The following GPR158 variants were observed in gnomAD, a reference collection of about 807,000 sequenced individuals.
The protein encoded by GPR158 is G protein-coupled receptor 158.
GPR158 carries 30 observed loss-of-function variants against 78.2 expected under a neutral mutation model. The observed-to-expected ratio is 0.38, with a 90% CI of 0.29 to 0.52. The LOEUF is 0.52. GPR158 is among the 20% of genes least tolerant of loss of function. GPR158 has a pLI of 0.83. For missense variants in GPR158, 1,463 were observed against 1,523.5 expected (o/e 0.96, Z 0.66); for synonymous variants, 581 against 591.1 (o/e 0.98, Z 0.25).
chr10:25,177,263 G>C (rs1021046593), intron 1 of GPR158, among the ~76,000 whole-genome samples: 2 of 152,146 alleles, frequency 1.3e-5, no homozygotes, highest in African/African-American at 4.8e-5. Flanking sequence ...TTGAGGCGGG[G>C]AATTTCTAGA....
intron 1 of GPR158, among the ~76,000 whole-genome samples, chr10:25,220,068 G>A (rs1229085345): frequency 6.6e-6 from 1 of 152,080 alleles, no homozygotes; most frequent in Non-Finnish European, 1.5e-5. Flanking sequence ...ATGAAAAATT[G>A]TTTAAATTAG....
At chr10:25,543,295 A>G (rs1371634262) in intron 5 of GPR158, among the ~76,000 whole-genome samples, 1 of 151,882 alleles carries the variant, frequency 6.6e-6, no homozygotes, top group East Asian at 1.9e-4. Flanking sequence ...TAATTTTTGT[A>G]TTTTTAGTAG....
intron 5 of GPR158, among the ~76,000 whole-genome samples, chr10:25,543,819 A>G (rs956462490): frequency 6.6e-5 from 10 of 152,168 alleles, no homozygotes; most frequent in African/African-American, 2.4e-4. Context: ...TTTATGGCTC[A>G]ATGGTATTCC....
At chr10:25,411,099 GT>G (rs1334864813) in intron 3 of GPR158, among the ~76,000 whole-genome samples, 19 of 147,184 alleles carry the variant, frequency 1.3e-4, no homozygotes, top group East Asian at 1.2e-3. Flanking sequence ...TTTCTGTTTT[GT>G]TTTTTTTTTC....
intron 2 of GPR158, among the ~76,000 whole-genome samples, chr10:25,230,317 G>A (rs1853430869): frequency 6.6e-6 from 1 of 152,132 alleles, no homozygotes; most frequent in Admixed American, 6.5e-5. Flanking sequence ...CAACAGTATG[G>A]TGTGGCTGCA....
intron 1 of GPR158, among the ~76,000 whole-genome samples, chr10:25,188,671 A>G (rs1178131759): frequency 6.6e-6 from 1 of 152,372 alleles, no homozygotes; most frequent in South Asian, 2.1e-4. Flanking sequence ...ACCTAAAACC[A>G]TAAAAACCCT....
chr10:25,527,254 G>C (rs1461562261), intron 5 of GPR158, among the ~76,000 whole-genome samples: 1 of 152,060 alleles, frequency 6.6e-6, no homozygotes, highest in Non-Finnish European at 1.5e-5. Context: ...AAGTGGTATA[G>C]ACTTAAAAAG....
chr10:25,277,619 C>G (rs78009269), intron 2 of GPR158, among the ~76,000 whole-genome samples: 37 of 152,060 alleles, frequency 2.4e-4, no homozygotes, highest in Non-Finnish European at 4.9e-4. Flanking sequence ...GCTATGGGAG[C>G]GAATGCTGGT....
intron 2 of GPR158, among the ~76,000 whole-genome samples, chr10:25,242,800 A>G (rs901575814): frequency 3.3e-5 from 5 of 152,178 alleles, no homozygotes; most frequent in African/African-American, 1.2e-4. Context: ...AGGGAATCTC[A>G]GAGAATATAT....
intron 2 of GPR158, among the ~76,000 whole-genome samples, chr10:25,329,632 T>A (rs1280258807): frequency 6.6e-6 from 1 of 151,924 alleles, no homozygotes; most frequent in Non-Finnish European, 1.5e-5. Flanking sequence ...AATAATTTAT[T>A]ATTCCAGAAA....
rs578133104 is a variant in GPR158, at chr10:25,371,929, A to G, written c.1009-23982A>G. 7.4e-5 allele frequency among the ~76,000 whole-genome samples: 11 copies of G among 148,214 alleles called. No individual in the cohort carries two copies. In the East Asian group the frequency reaches 2.0e-3, roughly 26 times the overall value. On this transcript the variant is annotated intron_variant, in intron 2 of 10. Transcript: ENST00000376351. ...TCAGAGTGAACAGGCAACCTACTAA[A>G]TGGGAGAAAATTTTCGCAACCTACT...
chr10:25,597,496 T>A (rs1837425132), intron 10 of GPR158, among the ~76,000 whole-genome samples: 1 of 152,020 alleles, frequency 6.6e-6, no homozygotes, highest in Admixed American at 6.6e-5. Flanking sequence ...AAAATACAAA[T>A]CAGAAAAGTA....
intron 5 of GPR158, among the ~76,000 whole-genome samples, chr10:25,518,240 G>T (rs1836210408): frequency 1.2e-5 from 1 of 85,734 alleles, no homozygotes; most frequent in Non-Finnish European, 2.2e-5. Flanking sequence ...ATTTTTTATT[G>T]TGTCTATTTG....
intron 6 of GPR158, among the ~76,000 whole-genome samples, chr10:25,566,405 C>A (rs955576121): frequency 6.6e-6 from 1 of 152,174 alleles, no homozygotes; most frequent in Non-Finnish European, 1.5e-5. Context: ...TCACAGCTTT[C>A]TGAGCCCCTA....
At chr10:25,202,988 C>A (rs938917774) in intron 1 of GPR158, among the ~76,000 whole-genome samples, 8 of 152,186 alleles carry the variant, frequency 5.3e-5, no homozygotes, top group African/African-American at 1.9e-4. Context: ...TTTTGATCTG[C>A]ATTTCTCTGA....
At chr10:25,192,839 A>G (rs1032198451) in intron 1 of GPR158, among the ~76,000 whole-genome samples, 4 of 152,204 alleles carry the variant, frequency 2.6e-5, no homozygotes, top group Non-Finnish European at 2.9e-5. Context: ...CACATTCAGT[A>G]AAAACTATAC....
chr10:25,355,418 T>C (rs568819731), intron 2 of GPR158, among the ~76,000 whole-genome samples: 1 of 152,230 alleles, frequency 6.6e-6, no homozygotes, highest in Non-Finnish European at 1.5e-5. Context: ...GATAAATTTT[T>C]GAATTGCTTT....
At chr10:25,285,989 G>T (rs1854346462) in intron 2 of GPR158, among the ~76,000 whole-genome samples, 1 of 152,118 alleles carries the variant, frequency 6.6e-6, no homozygotes, top group African/African-American at 2.4e-5. Flanking sequence ...CTTATTGGAA[G>T]TCTACTGTAA....
Position 25,214,777 on chromosome 10 carries a change from A to T in GPR158, c.903-6275A>T, listed in dbSNP as rs576605248. Among the ~76,000 whole-genome samples the T allele has an allele frequency of 8.5e-5, 13 of 152,092 alleles. 1 individual carries two copies. The South Asian group carries it at 2.7e-3, about 32-fold the overall frequency. Reference sequence around the variant, plus strand: ...GGAGACAGACATGCATAGAGGGAAGACCATGTGAAGACACAAGGAGAAGAT... The same window carrying T: ...GGAGACAGACATGCATAGAGGGAAGTCCATGTGAAGACACAAGGAGAAGAT... On this transcript the variant is annotated intron_variant, in intron 1 of 10. Coordinates refer to ENST00000376351, the MANE Select transcript of GPR158 (RefSeq NM_020752.3).
Sources: gnomAD v4.1 joint callset for allele counts (sites outside exome capture counted in the v4.1 genomes callset) on GRCh38, gnomAD v4.1.1 for gene constraint, MANE v1.5 for transcripts, NCBI Gene and HGNC (gene_info 2026-07-23, HGNC 2026-07-21) for gene names.